Variants in PDGFC observed in about 807,000 individuals in gnomAD.
PDGFC encodes the protein platelet-derived growth factor C.
In PDGFC, 12 loss-of-function variants were observed where a neutral mutation model predicts 35.5. That is an observed-to-expected ratio of 0.34 (90% CI 0.22 to 0.55). The LOEUF is 0.55. PDGFC is among the 20% of genes least tolerant of loss of function. The pLI is 0.91. For synonymous variants in PDGFC, 159 were observed against 148.8 expected (o/e 1.07, Z -0.50); for missense variants, 322 against 412.4 (o/e 0.78, Z 1.90).
chr4:156,957,843 T>C (rs1280935343), intron 1 of PDGFC, among the ~76,000 whole-genome samples: 1 of 151,972 alleles, frequency 6.6e-6, no homozygotes, highest in African/African-American at 2.4e-5. Context: ...GAGGTCTGCC[T>C]CAAAACAAAC....
chr4:156,864,177 T>C (rs958565384), intron 1 of PDGFC, among the ~76,000 whole-genome samples: 3 of 152,098 alleles, frequency 2.0e-5, no homozygotes, highest in African/African-American at 7.2e-5. Flanking sequence ...CAAATAAAAT[T>C]TGGTGGATAA....
At chr4:156,964,993 G>A (rs6811213) in intron 1 of PDGFC, among the ~76,000 whole-genome samples, 14,442 of 152,176 alleles carry the variant, frequency 0.095, 2,079 homozygotes, top group African/African-American at 0.31. Context: ...TTCAGAAAAT[G>A]TAAGGCTATG....
chr4:156,806,928 G>T (rs1156565082), intron 3 of PDGFC, among the ~76,000 whole-genome samples: 1 of 151,684 alleles, frequency 6.6e-6, no homozygotes, highest in Non-Finnish European at 1.5e-5. Flanking sequence ...ACCGTGTGTG[G>T]CCTCCAAACA....
At chr4:156,835,617 A>C (rs1394540934) in intron 2 of PDGFC, among the ~76,000 whole-genome samples, 1 of 152,190 alleles carries the variant, frequency 6.6e-6, no homozygotes. Flanking sequence ...CTATATTTTA[A>C]GAATAACCCA....
chr4:156,811,846 TG>T (rs1332838433), intron 2 of PDGFC, among the ~76,000 whole-genome samples: 2 of 152,098 alleles, frequency 1.3e-5, no homozygotes, highest in African/African-American at 4.8e-5. Flanking sequence ...TCTCAATAAT[TG>T]GGGGTGAGAA....
intron 1 of PDGFC, among the ~76,000 whole-genome samples, chr4:156,918,479 A>C (rs1731200172): frequency 6.6e-6 from 1 of 152,222 alleles, no homozygotes; most frequent in African/African-American, 2.4e-5. Flanking sequence ...GCAGACTGGT[A>C]CCAGTCCTTG....
Position 156,926,049 on chromosome 4 carries a change from C to CAAAAAA in PDGFC, c.118+44731_118+44736dup, listed in dbSNP as rs397707839. Reference sequence around the variant, plus strand: ...GCCTGGGTGAAAGTAAGATCTGTCTCAAAAAAAAAAAAAAAAAAAAAAAAG... The same window carrying CAAAAAA: ...GCCTGGGTGAAAGTAAGATCTGTCTCAAAAAAAAAAAAAAAAAAAAAAAAAAAAAAG... On this transcript the variant is annotated intron_variant, in intron 1 of 5. Transcript: ENST00000502773. Among the ~76,000 whole-genome samples, 12 of 67,530 alleles carry CAAAAAA rather than the reference C, an allele frequency of 1.8e-4. 1 individual carries two copies. Among genetic ancestry groups the CAAAAAA allele is most frequent in the African/African-American group, 4.0e-4 (6 of 14,856 alleles). The allele number at this position is 67,530 out of a possible 152,430, so 44.3% of individuals were successfully genotyped here.
chr4:156,810,439 G>A (rs1239124068), intron 3 of PDGFC, among the ~76,000 whole-genome samples: 2 of 151,790 alleles, frequency 1.3e-5, no homozygotes, highest in African/African-American at 4.8e-5. Context: ...CATGATAAAT[G>A]ATTCTATTAT....
chr4:156,806,438 T>C (rs1377462520), intron 3 of PDGFC, among the ~76,000 whole-genome samples: 1 of 151,944 alleles, frequency 6.6e-6, no homozygotes, highest in African/African-American at 2.4e-5. Flanking sequence ...GACTGAAAAA[T>C]ATAATATTCA....
chr4:156,831,766 A>T (rs1399125191), intron 2 of PDGFC, among the ~76,000 whole-genome samples: 2 of 152,084 alleles, frequency 1.3e-5, no homozygotes, highest in Non-Finnish European at 2.9e-5. Flanking sequence ...AAAAAAGAAA[A>T]AAAAATGTAA....
At chr4:156,876,694 A>G (rs551343468) in intron 1 of PDGFC, 1 of 152,320 alleles carries the variant, frequency 6.6e-6, no homozygotes, top group Admixed American at 6.5e-5. Context: ...ACAAAATTAT[A>G]ACAGCAGTCT....
intron 5 of PDGFC, among the ~76,000 whole-genome samples, chr4:156,765,210 T>C (rs1292071398): frequency 6.6e-6 from 1 of 152,174 alleles, no homozygotes. Context: ...TTTGAAAGTT[T>C]TGACTTTGGT....
At chr4:156,771,464 T>C (rs920160373) in intron 4 of PDGFC, among the ~76,000 whole-genome samples, 1 of 152,164 alleles carries the variant, frequency 6.6e-6, no homozygotes, top group African/African-American at 2.4e-5. Flanking sequence ...AAGTTATTCA[T>C]CAAGTTATTC....
At chr4:156,814,718 C>T (rs1732032370) in intron 2 of PDGFC, among the ~76,000 whole-genome samples, 1 of 151,960 alleles carries the variant, frequency 6.6e-6, no homozygotes, top group African/African-American at 2.4e-5. Flanking sequence ...AATAAACTAC[C>T]TCATATGTTA....
At chr4:156,913,633 C>T (rs1005980102) in intron 1 of PDGFC, among the ~76,000 whole-genome samples, 2 of 152,046 alleles carry the variant, frequency 1.3e-5, no homozygotes, top group African/African-American at 4.8e-5. Context: ...ATTCCTAAGA[C>T]CCCAATAAAC....
intron 1 of PDGFC, among the ~76,000 whole-genome samples, chr4:156,907,490 T>C (rs1730941588): frequency 6.6e-6 from 1 of 152,162 alleles, no homozygotes; most frequent in Non-Finnish European, 1.5e-5. Context: ...ATAAAGATTG[T>C]TTCACCTGAA....
chr4:156,946,985 G>T (rs1213298056), intron 1 of PDGFC, among the ~76,000 whole-genome samples: 1 of 152,108 alleles, frequency 6.6e-6, no homozygotes, highest in African/African-American at 2.4e-5. Context: ...TGTTAAGAAG[G>T]CTGGAAGCAG....
intron 2 of PDGFC, among the ~76,000 whole-genome samples, chr4:156,817,232 G>A (rs1732112305): frequency 6.6e-6 from 1 of 151,784 alleles, no homozygotes; most frequent in Non-Finnish European, 1.5e-5. Flanking sequence ...CAAAATATCA[G>A]GTGAAAATTA....
At chr4:156,801,832 T>C (rs1731619947) in intron 3 of PDGFC, among the ~76,000 whole-genome samples, 2 of 152,208 alleles carry the variant, frequency 1.3e-5, no homozygotes, top group South Asian at 4.1e-4. Context: ...CCCCAATTCA[T>C]TATGCTAAAA....
Sources: gnomAD v4.1 joint callset for allele counts (sites outside exome capture counted in the v4.1 genomes callset) on GRCh38, gnomAD v4.1.1 for gene constraint, MANE v1.5 for transcripts, NCBI Gene and HGNC (gene_info 2026-07-23, HGNC 2026-07-21) for gene names.